The following GRM8 variants were observed in gnomAD, a reference collection of about 807,000 sequenced individuals.
The protein encoded by GRM8 is metabotropic glutamate receptor 8.
A neutral mutation model predicts 87.2 loss-of-function variants in GRM8; 47 were observed. The ratio of observed to expected loss-of-function variants is 0.54; its 90% CI spans 0.43 to 0.69. The LOEUF is 0.69. Ranked by LOEUF, GRM8 falls within the 30% of genes least tolerant of loss-of-function variation. The probability of loss-of-function intolerance (pLI) is 0.00; values close to 1 mark genes in which losing one functional copy is unlikely to be tolerated. For missense variants in GRM8, 1,019 were observed against 1,139.2 expected, an observed-to-expected ratio of 0.89 and a Z score of 1.52; for synonymous variants, 396 against 404.5, an observed-to-expected ratio of 0.98 and a Z score of 0.25.
intron 7 of GRM8, among the ~76,000 whole-genome samples, chr7:126,618,007 C>A (rs1303825824): frequency 6.6e-6 from 1 of 152,100 alleles, no homozygotes; most frequent in Non-Finnish European, 1.5e-5. Context: ...ACTTTCTTCA[C>A]AGAATTGGAA....
chr7:126,879,699 AG>A (rs1291419876), intron 6 of GRM8, among the ~76,000 whole-genome samples: 1 of 152,202 alleles, frequency 6.6e-6, no homozygotes, highest in Non-Finnish European at 1.5e-5. Context: ...CAGAAGAAAA[AG>A]TTATACTGTA....
chr7:126,506,567 GT>G (rs1343147818), intron 9 of GRM8, among the ~76,000 whole-genome samples: 1 of 151,928 alleles, frequency 6.6e-6, no homozygotes, highest in Admixed American at 6.6e-5. Context: ...ATCACTTGAG[GT>G]CAGGAGTTTG....
intron 9 of GRM8, among the ~76,000 whole-genome samples, chr7:126,477,569 A>AAG (rs1554445951): frequency 1.9e-5 from 2 of 104,544 alleles, no homozygotes; most frequent in African/African-American, 3.7e-5. Flanking sequence ...AAGAGAAAGA[A>AAG]AGAAAGAAAG....
At chr7:127,193,989 T>C (rs1011656405) in intron 2 of GRM8, among the ~76,000 whole-genome samples, 1 of 152,182 alleles carries the variant, frequency 6.6e-6, no homozygotes, top group African/African-American at 2.4e-5. Flanking sequence ...ATCTCAAAGA[T>C]GAGCCACCCC....
chr7:126,963,679 T>C (rs1435117756), intron 3 of GRM8, among the ~76,000 whole-genome samples: 1 of 152,174 alleles, frequency 6.6e-6, no homozygotes, highest in Non-Finnish European at 1.5e-5. Context: ...CACAAATAAA[T>C]GGAAAGACAT....
chr7:126,462,516 T>C (rs1226122975), intron 9 of GRM8, among the ~76,000 whole-genome samples: 1 of 151,742 alleles, frequency 6.6e-6, no homozygotes, highest in East Asian at 1.9e-4. Context: ...TGTATAAAAT[T>C]ATATCTCAAA....
intron 3 of GRM8, among the ~76,000 whole-genome samples, chr7:126,921,410 A>T (rs1315557093): frequency 1.3e-5 from 2 of 152,276 alleles, no homozygotes; most frequent in African/African-American, 2.4e-5. Context: ...GAGAAAATAG[A>T]GGCCATTACC....
At chr7:127,187,330 T>C (rs1794794566) in intron 2 of GRM8, among the ~76,000 whole-genome samples, 1 of 152,166 alleles carries the variant, frequency 6.6e-6, no homozygotes, top group African/African-American at 2.4e-5. Context: ...TATATGCTTT[T>C]TATCCCCAGT....
At chr7:126,689,732 A>G (rs989247842) in intron 7 of GRM8, among the ~76,000 whole-genome samples, 8 of 152,364 alleles carry the variant, frequency 5.3e-5, no homozygotes, top group Non-Finnish European at 1.2e-4. Context: ...TTCACTTGTA[A>G]TAATGACCCA....
chr7:126,783,865 A>G (rs1820353962), intron 6 of GRM8, among the ~76,000 whole-genome samples: 1 of 152,164 alleles, frequency 6.6e-6, no homozygotes, highest in African/African-American at 2.4e-5. Flanking sequence ...CTCATAAATC[A>G]GGAACCTGTG....
At chr7:126,894,507 G>A (rs1801357297) in intron 6 of GRM8, among the ~76,000 whole-genome samples, 1 of 151,618 alleles carries the variant, frequency 6.6e-6, no homozygotes, top group South Asian at 2.1e-4. Context: ...GCATTTTTCT[G>A]TTTTAAATTA....
chr7:126,570,114 T>G (rs1794574399), intron 8 of GRM8, among the ~76,000 whole-genome samples: 1 of 152,220 alleles, frequency 6.6e-6, no homozygotes, highest in African/African-American at 2.4e-5. Flanking sequence ...TAAACTAACT[T>G]GATATTTTCT....
intron 7 of GRM8, among the ~76,000 whole-genome samples, chr7:126,612,000 T>C (rs532978349): frequency 1.3e-5 from 2 of 152,310 alleles, no homozygotes; most frequent in African/African-American, 2.4e-5. Context: ...AGACAGATCA[T>C]TGGGTTCAAA....
intron 6 of GRM8, among the ~76,000 whole-genome samples, chr7:126,805,761 C>T (rs1317865438): frequency 6.6e-6 from 1 of 152,192 alleles, no homozygotes; most frequent in Non-Finnish European, 1.5e-5. Context: ...TACTCACCCT[C>T]TTTGCTTTAT....
intron 3 of GRM8, among the ~76,000 whole-genome samples, chr7:126,936,542 A>C (rs956049869): frequency 6.6e-6 from 1 of 152,156 alleles, no homozygotes; most frequent in African/African-American, 2.4e-5. Flanking sequence ...ACACCTCCCT[A>C]CTTCCAACAG....
intron 2 of GRM8, among the ~76,000 whole-genome samples, chr7:127,233,097 T>C (rs1490136789): frequency 6.6e-6 from 1 of 152,182 alleles, no homozygotes; most frequent in Non-Finnish European, 1.5e-5. Flanking sequence ...CCCAAAGTGC[T>C]GAGATTACAG....
chr7:126,866,516 T>C (rs1442200259), intron 6 of GRM8, among the ~76,000 whole-genome samples: 1 of 151,792 alleles, frequency 6.6e-6, no homozygotes, highest in Non-Finnish European at 1.5e-5. Context: ...AGATTTATAC[T>C]TTTTTTCCTA....
At chr7:126,723,757 G>A (rs191516121) in intron 7 of GRM8, among the ~76,000 whole-genome samples, 1 of 152,220 alleles carries the variant, frequency 6.6e-6, no homozygotes, top group East Asian at 1.9e-4. Context: ...CTACATCTTT[G>A]TGTGAATCAT....
At chr7:126,910,289 C>G (rs538225754) in intron 3 of GRM8, among the ~76,000 whole-genome samples, 5 of 151,932 alleles carry the variant, frequency 3.3e-5, no homozygotes, top group African/African-American at 1.2e-4. Flanking sequence ...TTTTTTGTTA[C>G]TTCTTTTTCT....
Sources: allele counts gnomAD v4.1 joint callset (sites outside exome capture counted in the v4.1 genomes callset), GRCh38; gene constraint gnomAD v4.1.1; transcripts MANE v1.5; gene names NCBI Gene and HGNC (gene_info 2026-07-23, HGNC 2026-07-21).